SMAD6: variants seen among roughly 807,000 people sequenced by gnomAD.
SMAD6 encodes SMAD family member 6.
Under a neutral mutation model 39.4 loss-of-function variants are expected in SMAD6, and 103 were observed. That is an observed-to-expected ratio of 2.62 (90% CI 2.23 to 3.08). The LOEUF is 3.08. SMAD6 is among the 30% of genes most tolerant of loss of function. SMAD6 has a pLI of 0.00. For synonymous variants in SMAD6, 445 were observed against 353.3 expected (o/e 1.26, Z -2.91); for missense variants, 1,104 against 742.9 (o/e 1.49, Z -5.65).
At chr15:66,708,694 TATGAA>T (rs1290603120) in intron 1 of SMAD6, 2 of 470,814 alleles carry the variant, frequency 4.2e-6, no homozygotes, top group African/African-American at 2.0e-5. Context: ...CCATATATTG[TATGAA>T]ATGAAATGTC....
rs1344909897 is a variant in SMAD6 at position 66,766,522 on chromosome 15, G to GCCAC, written c.953-14475_953-14474insCCAC. 3.4e-3 allele frequency among the ~76,000 whole-genome samples: 523 copies of GCCAC among 152,270 alleles called. 1 individual carries two copies. The highest frequency in any genetic ancestry group is 5.7e-3 in the Non-Finnish European group (388 of 68,006). Reference sequence around the variant, plus strand: ...CTCAGCATTAAATGAGATGGGATACGTGGACATAGATGCTCAGTAGCCACT... The same window carrying GCCAC: ...CTCAGCATTAAATGAGATGGGATACGCCACTGGACATAGATGCTCAGTAGCCACT... On this transcript the variant is annotated intron_variant, in intron 3 of 3. Transcript: ENST00000288840.
chr15:66,739,279 C>T (rs1177017084), intron 3 of SMAD6, among the ~76,000 whole-genome samples: 3 of 152,034 alleles, frequency 2.0e-5, no homozygotes, highest in African/African-American at 2.4e-5. Context: ...TTAGTAGAGA[C>T]GGGGTTTTAC....
At chr15:66,765,723 A>C (rs982968741) in intron 3 of SMAD6, among the ~76,000 whole-genome samples, 1 of 152,188 alleles carries the variant, frequency 6.6e-6, no homozygotes, top group African/African-American at 2.4e-5. Flanking sequence ...TGATGGGGGC[A>C]TGCAGGTTGG....
At chr15:66,756,221 G>C (rs887505177) in intron 3 of SMAD6, among the ~76,000 whole-genome samples, 4 of 152,090 alleles carry the variant, frequency 2.6e-5, no homozygotes, top group African/African-American at 9.7e-5. Flanking sequence ...GTGCCTGGGA[G>C]TGCAGGAGGC....
At chr15:66,772,337 A>G (rs1289137671) in intron 3 of SMAD6, among the ~76,000 whole-genome samples, 1 of 152,204 alleles carries the variant, frequency 6.6e-6, no homozygotes, top group Non-Finnish European at 1.5e-5. Flanking sequence ...ATGTTCAGGT[A>G]GTGCATTTAA....
intron 3 of SMAD6, among the ~76,000 whole-genome samples, chr15:66,765,661 G>T (rs1894275530): frequency 6.6e-6 from 1 of 152,218 alleles, no homozygotes; most frequent in Non-Finnish European, 1.5e-5. Context: ...GATGGGGGAA[G>T]ATCTCCCCAT....
At chr15:66,762,592 C>T (rs975696077) in intron 3 of SMAD6, among the ~76,000 whole-genome samples, 3 of 152,038 alleles carry the variant, frequency 2.0e-5, no homozygotes, top group African/African-American at 7.3e-5. Context: ...GCAAGAAGGA[C>T]CTGCTGGAAG....
intron 3 of SMAD6, among the ~76,000 whole-genome samples, chr15:66,775,619 C>A (rs916774073): frequency 1.3e-5 from 2 of 152,204 alleles, no homozygotes; most frequent in Admixed American, 6.5e-5. Flanking sequence ...TCTCCTCCTC[C>A]CCCTGGAACC....
At chr15:66,775,298 T>A (rs934956299) in intron 3 of SMAD6, among the ~76,000 whole-genome samples, 1 of 152,184 alleles carries the variant, frequency 6.6e-6, no homozygotes. Context: ...TTGTTGCAGG[T>A]TTCGGTAGCT....
chr15:66,772,492 T>G (rs1268259469), intron 3 of SMAD6, among the ~76,000 whole-genome samples: 3 of 152,352 alleles, frequency 2.0e-5, no homozygotes, highest in Admixed American at 2.0e-4. Flanking sequence ...CTACTGAATA[T>G]GAATACCCTT....
chr15:66,766,024 G>A (rs1894282044), intron 3 of SMAD6, among the ~76,000 whole-genome samples: 1 of 152,222 alleles, frequency 6.6e-6, no homozygotes, highest in Admixed American at 6.5e-5. Context: ...ACAAAGAGTG[G>A]TTAACTACAG....
At chr15:66,715,596 A>AG (rs1893312829) in intron 2 of SMAD6, among the ~76,000 whole-genome samples, 2 of 152,208 alleles carry the variant, frequency 1.3e-5, no homozygotes, top group Admixed American at 6.5e-5. Context: ...GCAGAGGCAC[A>AG]GGCCCAGGAA....
chr15:66,716,368 A>G, intron 2 of SMAD6, 53 bp from the exon 3 acceptor site: 1 of 1,309,152 alleles, frequency 7.6e-7, no homozygotes, highest in Non-Finnish European at 1.1e-6. Flanking sequence ...AAGAAGAAAA[A>G]AGAGAGCGCT....
At position 66,781,347 on chromosome 15, in the gene SMAD6, T is replaced by A; in HGVS notation, c.1303T>A (p.Ser435Thr). 6.3e-7 allele frequency: 1 copy of A among 1,598,022 alleles called. No individual in the cohort carries two copies. The change falls in exon 4 of 4, where the codon TCC (serine) becomes ACC (threonine). Residue 435 changes from serine to threonine, a missense_variant. By Grantham distance (58) the Ser-to-Thr change is moderately conservative (BLOSUM62 1). Transcript: ENST00000288840. Reference sequence around the variant, plus strand: ...CGTGCGCAAGGTGCCCCCCGGCTACTCCATCAAGGTGTTCGACTTCGAGCG... The same window carrying A: ...CGTGCGCAAGGTGCCCCCCGGCTACACCATCAAGGTGTTCGACTTCGAGCG... ...LVVRKVPPGY[S>T]IKVFDFERSG...
In SMAD6 at chr15:66,781,480, AG is replaced by A. The variant is rs749325036; in HGVS notation, c.1437del (p.Gln479HisfsTer60). The A allele has an allele frequency of 1.3e-6, 2 of 1,583,148 alleles. No homozygotes were observed. The highest frequency in any genetic ancestry group is 1.7e-6 in the Non-Finnish European group (2 of 1,165,546). On this transcript the variant is annotated frameshift_variant, in exon 4 of 4. Coordinates refer to ENST00000288840, the MANE Select transcript of SMAD6 (RefSeq NM_005585.5). LOFTEE classifies it high-confidence loss of function. ...GGCTGGGGGCCCTGCTACTCCCGGC[AG>A]TTCATCACCTCCTGCCCCTGCTGGC... is the stretch of plus-strand genomic sequence containing the variant. ...AKGWGPCYSRQFITSCPCWLE... is the reference protein window; with the variant it reads ...AKGWGPCYSRXFITSCPCWLE...
chr15:66,718,147 T>TGTGTGTGTGTGG (rs1319423001), intron 3 of SMAD6, among the ~76,000 whole-genome samples: 4 of 150,312 alleles, frequency 2.7e-5, no homozygotes, highest in African/African-American at 1.0e-4. Context: ...TGTGTGTGTG[T>TGTGTGTGTGTGG]GTGTCTGTGC....
Position 66,781,299 on chromosome 15 carries a change from G to A in SMAD6, c.1255G>A (p.Ala419Thr), listed in dbSNP as rs900897541. Reference sequence around the variant, plus strand: ...CTTCGTCAACTCCCCGACGCTGGACGCGCCCGGCGGCCGCGCCCTGGTCGT... The same window carrying A: ...CTTCGTCAACTCCCCGACGCTGGACACGCCCGGCGGCCGCGCCCTGGTCGT... The part of the protein sequence containing the change: ...PIFVNSPTLD[A>T]PGGRALVVRK... The change falls in exon 4 of 4, where the codon GCG (alanine) becomes ACG (threonine). Residue 419 changes from alanine to threonine, a missense_variant. Transcript: ENST00000288840. The A allele has an allele frequency of 3.7e-6, 6 of 1,603,108 alleles. No homozygotes were observed. Among genetic ancestry groups the A allele is most frequent in the Non-Finnish European group, 5.1e-6 (6 of 1,176,332 alleles).
intron 3 of SMAD6, among the ~76,000 whole-genome samples, chr15:66,746,466 G>T (rs978288882): frequency 1.7e-4 from 26 of 152,082 alleles, no homozygotes; most frequent in African/African-American, 6.3e-4. Flanking sequence ...TGTTCCCCCT[G>T]CTGACACAGA....
Position 66,740,216 on chromosome 15 carries a change from C to T in SMAD6, c.952+23718C>T, listed in dbSNP as rs544420488. ...CCCCTGTGCATTCCTGGCTATGCTACATCCTGCCCAGTCCTGTGGACATCC... is the reference window on the plus strand; with the variant it reads ...CCCCTGTGCATTCCTGGCTATGCTATATCCTGCCCAGTCCTGTGGACATCC... On this transcript the variant is annotated intron_variant, in intron 3 of 3. Coordinates refer to ENST00000288840, the MANE Select transcript of SMAD6 (RefSeq NM_005585.5). 2.0e-5 allele frequency among the ~76,000 whole-genome samples: 3 copies of T among 152,340 alleles called. No individual in the cohort carries two copies. The East Asian group carries it at 5.8e-4, about 29-fold the overall frequency.
Sources: gnomAD v4.1 joint callset for allele counts (sites outside exome capture counted in the v4.1 genomes callset) on GRCh38, gnomAD v4.1.1 for gene constraint, MANE v1.5 for transcripts, NCBI Gene and HGNC (gene_info 2026-07-23, HGNC 2026-07-21) for gene names.